The following FLRT2 variants were observed in gnomAD, a reference collection of about 807,000 sequenced individuals.
The protein encoded by FLRT2 is fibronectin leucine rich transmembrane protein 2.
FLRT2 carries 15 observed loss-of-function variants against 40.0 expected under a neutral mutation model. The ratio of observed to expected loss-of-function variants is 0.38; its 90% CI spans 0.25 to 0.58. The LOEUF is 0.58. Ranked by LOEUF, FLRT2 falls within the 20% of genes least tolerant of loss-of-function variation. The probability of loss-of-function intolerance (pLI) is 0.71; values close to 1 mark genes in which losing one functional copy is unlikely to be tolerated. For synonymous variants in FLRT2, 380 were observed against 336.8 expected (o/e 1.13, Z -1.41); for missense variants, 726 against 840.0 (o/e 0.86, Z 1.68).
At chr14:85,542,134 CTT>C (rs908434279) in intron 1 of FLRT2, among the ~76,000 whole-genome samples, 9 of 152,138 alleles carry the variant, frequency 5.9e-5, no homozygotes, top group Admixed American at 5.2e-4. Flanking sequence ...GAATGATACT[CTT>C]GGGCTATGAG....
chr14:85,620,404 A>T (rs1046871950), intron 1 of FLRT2, among the ~76,000 whole-genome samples: 1 of 152,220 alleles, frequency 6.6e-6, no homozygotes, highest in Non-Finnish European at 1.5e-5. Flanking sequence ...TTTGAGTGAT[A>T]ATATAATGAA....
chr14:85,538,406 G>A (rs1033399492), intron 1 of FLRT2, among the ~76,000 whole-genome samples: 1 of 152,160 alleles, frequency 6.6e-6, no homozygotes, highest in Non-Finnish European at 1.5e-5. Flanking sequence ...CATTCACAAA[G>A]TAACTCTCTG....
At chr14:85,561,271 G>A (rs193018774) in intron 1 of FLRT2, 6 of 152,292 alleles carry the variant, frequency 3.9e-5, no homozygotes, top group African/African-American at 7.2e-5. Context: ...TATCTGGAGA[G>A]AGGAGAACCA....
intron 1 of FLRT2, among the ~76,000 whole-genome samples, chr14:85,595,315 A>G (rs1892085185): frequency 6.6e-6 from 1 of 152,152 alleles, no homozygotes; most frequent in African/African-American, 2.4e-5. Flanking sequence ...TCCTAGGATC[A>G]AGTGCTGATG....
chr14:85,539,166 A>T (rs1237835193), intron 1 of FLRT2, among the ~76,000 whole-genome samples: 2 of 151,798 alleles, frequency 1.3e-5, no homozygotes, highest in African/African-American at 4.8e-5. Flanking sequence ...GATTTCATTT[A>T]TTTCTCACAA....
At chr14:85,535,873 C>A (rs185686323) in intron 1 of FLRT2, among the ~76,000 whole-genome samples, 152 of 144,250 alleles carry the variant, frequency 1.1e-3, no homozygotes, top group African/African-American at 3.8e-3. Flanking sequence ...TATTACAAAC[C>A]TAGCATGGAA....
intron 1 of FLRT2, among the ~76,000 whole-genome samples, chr14:85,551,341 C>T (rs10151265): frequency 0.26 from 39,202 of 151,918 alleles, 5,956 homozygotes; most frequent in African/African-American, 0.42. Context: ...AATGGGGTTG[C>T]CTGGAAAAAT....
In FLRT2 at chr14:85,637,328, T is replaced by C. The variant is rs942916427; in HGVS notation, c.*13831T>C. ...AGACATGGTAGGAAAAGCATTAGCT[T>C]TGGCGTTCAAATATTGACTCATTCA... On this transcript the variant is annotated 3_prime_UTR_variant, in exon 2 of 2. Coordinates refer to ENST00000330753, the MANE Select transcript of FLRT2 (RefSeq NM_013231.6). 3 of 152,214 alleles carry C rather than the reference T, an allele frequency of 2.0e-5. No homozygotes were observed. Among genetic ancestry groups the C allele is most frequent in the African/African-American group, 7.2e-5 (3 of 41,448 alleles). 9.4% of individuals were successfully genotyped at this position (152,214 alleles called of 1,614,324 possible).
intron 1 of FLRT2, among the ~76,000 whole-genome samples, chr14:85,537,478 A>G (rs112680548): frequency 6.6e-6 from 1 of 152,120 alleles, no homozygotes; most frequent in African/African-American, 2.4e-5. Flanking sequence ...CTACTCTCCA[A>G]ATTGCTTTTG....
At chr14:85,612,061 CAAAAAA>C (rs11298272) in intron 1 of FLRT2, among the ~76,000 whole-genome samples, 2 of 62,262 alleles carry the variant, frequency 3.2e-5, no homozygotes, top group Admixed American at 5.6e-4. Flanking sequence ...ACTTACTTTT[CAAAAAA>C]AAAAAAAAAA....
Position 85,639,589 on chromosome 14 carries a change from T to C in FLRT2, c.*16092T>C, listed in dbSNP as rs1240874229. The C allele has an allele frequency of 6.6e-6, 1 of 152,152 alleles. No homozygotes were observed. The highest frequency in any genetic ancestry group is 2.4e-5 in the African/African-American group (1 of 41,438). 9.4% of individuals were successfully genotyped at this position (152,152 alleles called of 1,614,324 possible). A position where few individuals can be genotyped will look rare whatever the true frequency, so the allele number is the denominator to read the frequency against. ...ATTTATCTCAATCTTCTTGTATAGC[T>C]GCTGAATTTTCTCTCATGAGTTTGG... On this transcript the variant is annotated 3_prime_UTR_variant, in exon 2 of 2. Coordinates refer to ENST00000330753, the MANE Select transcript of FLRT2 (RefSeq NM_013231.6).
intron 1 of FLRT2, among the ~76,000 whole-genome samples, chr14:85,553,361 G>C (rs996169238): frequency 7.9e-5 from 12 of 152,120 alleles, no homozygotes; most frequent in African/African-American, 2.2e-4. Flanking sequence ...AGGCTATGCT[G>C]CTGGGACCAT....
chr14:85,645,108 G>A lies in FLRT2; in HGVS notation c.*21611G>A, dbSNP rs1894260320. The A allele has an allele frequency of 6.6e-6, 1 of 151,654 alleles. No homozygotes were observed. The highest frequency in any genetic ancestry group is 2.1e-4 in the South Asian group (1 of 4,812). The allele number at this position is 151,654 out of a possible 1,614,324, so 9.4% of individuals were successfully genotyped here. On this transcript the variant is annotated 3_prime_UTR_variant, in exon 2 of 2. Coordinates refer to ENST00000330753, the MANE Select transcript of FLRT2 (RefSeq NM_013231.6). Reference sequence around the variant, plus strand: ...GTTTTGATCAACCAACCATAAAGTTGAGCTTGGGCAGCAGAACTCCTACAT... The same window carrying A: ...GTTTTGATCAACCAACCATAAAGTTAAGCTTGGGCAGCAGAACTCCTACAT...
rs1252273372 is a variant in FLRT2 at position 85,640,766 on chromosome 14, G to A, written c.*17269G>A. 1 of 151,190 alleles carries A rather than the reference G, an allele frequency of 6.6e-6. No individual in the cohort carries two copies. Among genetic ancestry groups the A allele is most frequent in the Non-Finnish European group, 1.5e-5 (1 of 67,946 alleles). The allele number at this position is 151,190 out of a possible 1,614,324, so 9.4% of individuals were successfully genotyped here. On this transcript the variant is annotated 3_prime_UTR_variant, in exon 2 of 2. Transcript: ENST00000330753. The stretch of plus-strand genomic sequence containing the variant: ...GAGTAGAACATAGGCCACATAGTGT[G>A]GCAAACACATCATTAGAAACTGCCT...
chr14:85,586,360 C>T (rs1891614300), intron 1 of FLRT2, among the ~76,000 whole-genome samples: 1 of 152,020 alleles, frequency 6.6e-6, no homozygotes, highest in African/African-American at 2.4e-5. Flanking sequence ...ACTCTGCTTA[C>T]TGCACTGACA....
intron 1 of FLRT2, chr14:85,562,871 G>A (rs1441092249): frequency 6.6e-6 from 1 of 152,048 alleles, no homozygotes; most frequent in Non-Finnish European, 1.5e-5. Context: ...TTTATACCGT[G>A]AGGGAAAATC....
chr14:85,616,712 C>G (rs984471413), intron 1 of FLRT2, among the ~76,000 whole-genome samples: 2 of 152,134 alleles, frequency 1.3e-5, no homozygotes, highest in African/African-American at 2.4e-5. Context: ...TCCACAGGAC[C>G]ATGATTACCT....
rs1182340085 is a variant in FLRT2, at chr14:85,650,898, A to G, written c.*27401A>G. 1 of 151,780 alleles carries G rather than the reference A, an allele frequency of 6.6e-6. No individual in the cohort carries two copies. Among genetic ancestry groups the G allele is most frequent in the Non-Finnish European group, 1.5e-5 (1 of 67,958 alleles). 9.4% of individuals were successfully genotyped at this position (151,780 alleles called of 1,614,324 possible). ...GTCTTACCCTGTCATCCAGGCTAGG[A>G]TGCAGTAGCACGATCTTAGCTTACT... On this transcript the variant is annotated 3_prime_UTR_variant, in exon 2 of 2. Transcript: ENST00000330753.
At chr14:85,565,947 G>A (rs569347329) in intron 1 of FLRT2, among the ~76,000 whole-genome samples, 1 of 152,246 alleles carries the variant, frequency 6.6e-6, no homozygotes, top group African/African-American at 2.4e-5. Flanking sequence ...TTCAGTAGAG[G>A]ATGAAAGGAT....
Sources: gnomAD v4.1 joint callset for allele counts (sites outside exome capture counted in the v4.1 genomes callset) on GRCh38, gnomAD v4.1.1 for gene constraint, MANE v1.5 for transcripts, NCBI Gene and HGNC (gene_info 2026-07-23, HGNC 2026-07-21) for gene names.